The following IGSF11 variants were observed in gnomAD, a reference collection of about 807,000 sequenced individuals.
IGSF11 encodes the protein immunoglobulin superfamily member 11, also known as CXADR like 1.
IGSF11 carries 22 observed loss-of-function variants against 41.0 expected under a neutral mutation model. The ratio of observed to expected loss-of-function variants is 0.54; its 90% confidence interval spans 0.38 to 0.77. The LOEUF is 0.77. IGSF11 is among the 30% of genes least tolerant of loss of function. The probability of loss-of-function intolerance (pLI) is 0.00; values close to 1 mark genes in which losing one functional copy is unlikely to be tolerated. For synonymous variants in IGSF11, 219 were observed against 201.3 expected (o/e 1.09, Z -0.74); for missense variants, 444 against 530.8 (o/e 0.84, Z 1.61).
intron 1 of IGSF11, among the ~76,000 whole-genome samples, chr3:119,075,246 T>G (rs1344355247): frequency 6.6e-6 from 1 of 152,102 alleles, no homozygotes. Flanking sequence ...GATAAATTCC[T>G]GGCAATATAC....
intron 1 of IGSF11, among the ~76,000 whole-genome samples, chr3:119,136,216 TA>T (rs2077559562): frequency 6.7e-6 from 1 of 149,838 alleles, no homozygotes; most frequent in African/African-American, 2.5e-5. Flanking sequence ...GTATAATAAT[TA>T]AAAAGAAAAA....
intron 1 of IGSF11, among the ~76,000 whole-genome samples, chr3:119,091,233 G>C (rs1254859420): frequency 1.3e-5 from 2 of 152,092 alleles, no homozygotes; most frequent in African/African-American, 4.8e-5. Context: ...AGAGAGAAGG[G>C]AACACTTCTA....
chr3:119,137,293 G>A (rs1268514391), intron 1 of IGSF11, among the ~76,000 whole-genome samples: 1 of 151,928 alleles, frequency 6.6e-6, no homozygotes, highest in Non-Finnish European at 1.5e-5. Flanking sequence ...GAAAAGTGGA[G>A]GAATCACATT....
intron 1 of IGSF11, among the ~76,000 whole-genome samples, chr3:119,047,380 A>G (rs780357656): frequency 2.6e-5 from 4 of 152,220 alleles, no homozygotes; most frequent in Admixed American, 6.5e-5. Context: ...TAAACCAACA[A>G]AGATCAAAAG....
At chr3:119,034,389 A>C in intron 1 of IGSF11, 142 bp downstream of exon 1, 1 of 814,212 alleles carries the variant, frequency 1.2e-6, no homozygotes, top group East Asian at 3.3e-5. Context: ...CCTCGGCCGC[A>C]GCAACGAACG....
chr3:119,006,256 C>T (rs1272756721), intron 1 of IGSF11, among the ~76,000 whole-genome samples: 41 of 120,336 alleles, frequency 3.4e-4, no homozygotes, highest in African/African-American at 9.3e-4. Context: ...TTGATCGCAT[C>T]GGCTCCTGAG....
intron 1 of IGSF11, among the ~76,000 whole-genome samples, chr3:119,111,006 C>G (rs1039368959): frequency 1.3e-5 from 2 of 151,906 alleles, no homozygotes; most frequent in Non-Finnish European, 2.9e-5. Context: ...CGACCTTTTT[C>G]TCTGGCTGCC....
At chr3:118,962,552 A>G (rs1489717074) in intron 1 of IGSF11, among the ~76,000 whole-genome samples, 1 of 152,128 alleles carries the variant, frequency 6.6e-6, no homozygotes, top group East Asian at 1.9e-4. Context: ...TATTTGGGGG[A>G]AAATGACTTT....
In IGSF11 at chr3:119,060,470, C is replaced by T. The variant is rs555260096; in HGVS notation, c.49+44674G>A. Among the ~76,000 whole-genome samples, 6 of 137,878 alleles carry T rather than the reference C, an allele frequency of 4.4e-5. No homozygotes were observed. The South Asian group carries it at 1.4e-3, about 32-fold the overall frequency. The allele number at this position is 137,878 out of a possible 152,430, so 90.5% of individuals were successfully genotyped here. A position where few individuals can be genotyped will look rare whatever the true frequency, so the allele number is the denominator to read the frequency against. On this transcript the variant is annotated intron_variant, in intron 1 of 6. Transcript: ENST00000354673. ...CAGAACCAGTGATGGGTGTACATTT[C>T]ACACTTAAATTTAATCCATATTTAT... is the stretch of plus-strand genomic sequence containing the variant.
intron 1 of IGSF11, among the ~76,000 whole-genome samples, chr3:119,056,233 A>C (rs1392527041): frequency 6.6e-6 from 1 of 152,190 alleles, no homozygotes; most frequent in Non-Finnish European, 1.5e-5. Flanking sequence ...AGCAAGACTA[A>C]TACAGAAGAA....
intron 1 of IGSF11, among the ~76,000 whole-genome samples, chr3:119,056,214 T>C (rs1941827805): frequency 6.6e-6 from 1 of 152,080 alleles, no homozygotes; most frequent in Non-Finnish European, 1.5e-5. Flanking sequence ...ACAAAATTGA[T>C]AGACTGCTAG....
Position 118,902,627 on chromosome 3 carries a change from G to A in IGSF11, c.1189C>T (p.Arg397Trp), listed in dbSNP as rs181159066. 4.0e-5 allele frequency: 65 copies of A among 1,614,018 alleles called. No individual in the cohort carries two copies. The highest frequency in any genetic ancestry group is 3.0e-4 in the Admixed American group (18 of 60,016). ...RSNGSVSRKP[R>W]PPHTHSYTIS... Reference sequence around the variant, plus strand: ...GTGTAGGAATGAGTGTGTGGAGGCCGAGGCTTCCTACTGACTGAGCCATTG... The same window carrying A: ...GTGTAGGAATGAGTGTGTGGAGGCCAAGGCTTCCTACTGACTGAGCCATTG... Residue 397 changes from arginine (R) to tryptophan (W), a missense_variant, in exon 7 of 7, where the codon CGG becomes TGG. Physicochemically the swap from Arg to Trp is moderately radical, Grantham distance 101 (BLOSUM62 -3). Around this residue, in one of 3 missense-constraint regions of IGSF11, gnomAD observed 223 missense variants for 226.2 expected, o/e 0.99. Transcript: ENST00000393775.
chr3:118,948,558 G>A (rs7651619), intron 1 of IGSF11, among the ~76,000 whole-genome samples: 26,137 of 152,104 alleles, frequency 0.17, 3,307 homozygotes, highest in African/African-American at 0.35. Context: ...TAGTCAATGA[G>A]GAGGATTAGT....
intron 1 of IGSF11, among the ~76,000 whole-genome samples, chr3:119,019,207 G>T (rs1035284736): frequency 6.6e-6 from 1 of 151,718 alleles, no homozygotes; most frequent in East Asian, 1.9e-4. Context: ...GCCAGATAAG[G>T]ATCCTTGATT....
At position 119,110,488 on chromosome 3, in the gene IGSF11, G is replaced by A. The variant is rs1249979322; in HGVS notation, c.-13-5283C>T. Among the ~76,000 whole-genome samples, 8 of 152,248 alleles carry A rather than the reference G, an allele frequency of 5.3e-5. No individual in the cohort carries two copies. In the East Asian group the frequency reaches 1.3e-3, roughly 26 times the overall value. ...TTATTTTGAGCCTATGTGTGTCTCT[G>A]CACGTGAGATGGCTTTCCTGAATAC... On this transcript the variant is annotated intron_variant, in intron 1 of 7. Coordinates refer to the IGSF11 transcript ENST00000425327.
chr3:118,922,478 C>T (rs1376890430), intron 4 of IGSF11, among the ~76,000 whole-genome samples: 1 of 151,880 alleles, frequency 6.6e-6, no homozygotes, highest in African/African-American at 2.4e-5. Flanking sequence ...GCATACAATA[C>T]AGTAATGCTA....
intron 4 of IGSF11, among the ~76,000 whole-genome samples, chr3:118,924,082 T>C (rs1942078704): frequency 6.6e-6 from 1 of 152,140 alleles, no homozygotes; most frequent in Admixed American, 6.5e-5. Context: ...GTTGGCATCA[T>C]ACTGTGAAAA....
chr3:119,088,411 G>A (rs1170526966), intron 1 of IGSF11, among the ~76,000 whole-genome samples: 1 of 152,080 alleles, frequency 6.6e-6, no homozygotes, highest in Non-Finnish European at 1.5e-5. Flanking sequence ...AAATCTCTGG[G>A]ATGCAGCTAA....
At position 118,902,381 on chromosome 3, in the gene IGSF11, C is replaced by T. The variant is rs1938967975; in HGVS notation, c.*139G>A. On this transcript the variant is annotated 3_prime_UTR_variant, in exon 7 of 7. Transcript: ENST00000393775. Reference sequence around the variant, plus strand: ...TTTACACATCTTAGTGGCCAAGTAACAGCACTGCCTTCTTCTTTGTGCATT... The same window carrying T: ...TTTACACATCTTAGTGGCCAAGTAATAGCACTGCCTTCTTCTTTGTGCATT... 3 of 679,550 alleles carry T rather than the reference C, an allele frequency of 4.4e-6. No homozygotes were observed. The highest frequency in any genetic ancestry group is 5.3e-5 in the Admixed American group (2 of 37,840). The allele number at this position is 679,550 out of a possible 1,614,324, so 42.1% of individuals were successfully genotyped here.
Sources: gnomAD v4.1 joint callset for allele counts (sites outside exome capture counted in the v4.1 genomes callset) on GRCh38, gnomAD v4.1.1 for gene constraint, gnomAD v4.1.1 regional missense constraint, MANE v1.5 for transcripts, NCBI Gene and HGNC (gene_info 2026-07-23, HGNC 2026-07-21) for gene names.